Variants in XPNPEP1 observed in about 807,000 individuals in gnomAD.
The protein encoded by XPNPEP1 is X-prolyl aminopeptidase 1.
XPNPEP1 carries 39 observed loss-of-function variants against 92.4 expected under a neutral mutation model. The observed-to-expected ratio is 0.42, with a 90% CI of 0.33 to 0.55. The LOEUF (loss-of-function observed/expected upper bound fraction) is 0.55, where lower values mean the gene tolerates loss of function less well. Ranked by LOEUF, XPNPEP1 falls within the 20% of genes least tolerant of loss-of-function variation. The probability of loss-of-function intolerance (pLI) is 0.08; values close to 1 mark genes in which losing one functional copy is unlikely to be tolerated. For missense variants in XPNPEP1, 654 were observed against 856.1 expected (o/e 0.76, Z 2.95); for synonymous variants, 307 against 299.4 (o/e 1.03, Z -0.26).
chr10:109,870,315 G>A lies in XPNPEP1; in HGVS notation c.1697-286C>T, dbSNP rs77756465. Reference sequence around the variant, plus strand: ...ACTAAATAAATCATGGTTCACATCCGTAAGACACAATAATGAAGGCATTAA... The same window carrying A: ...ACTAAATAAATCATGGTTCACATCCATAAGACACAATAATGAAGGCATTAA... On this transcript the variant is annotated intron_variant, in intron 18 of 20. Transcript: ENST00000502935. 6.4e-3 allele frequency among the ~76,000 whole-genome samples: 970 copies of A among 152,288 alleles called. 13 individuals carry two copies. The highest frequency in any genetic ancestry group is 0.022 in the African/African-American group (932 of 41,530).
Position 109,875,734 on chromosome 10 carries a change from A to G in XPNPEP1, c.1320-135T>C, listed in dbSNP as rs900740208. The G allele has an allele frequency of 1.4e-4, 91 of 647,336 alleles. No homozygotes were observed. The Admixed American group carries it at 2.4e-3, about 17-fold the overall frequency. The allele number at this position is 647,336 out of a possible 1,614,324, so 40.1% of individuals were successfully genotyped here. A position where few individuals can be genotyped will look rare whatever the true frequency, so the allele number is the denominator to read the frequency against. ...TGAAATTATATCAAAATAGAAAGTTATGCAATAATGAATTATTTCAACTAA... is the reference window on the plus strand; with the variant it reads ...TGAAATTATATCAAAATAGAAAGTTGTGCAATAATGAATTATTTCAACTAA... On this transcript the variant is annotated intron_variant, in intron 14 of 20. Transcript: ENST00000502935.
chr10:109,885,441 T>C (rs1396269713), intron 8 of XPNPEP1, among the ~76,000 whole-genome samples: 1 of 152,250 alleles, frequency 6.6e-6, no homozygotes, highest in Non-Finnish European at 1.5e-5. Context: ...CATGGGATTG[T>C]GTTTTTGTTA....
At chr10:109,908,318 T>C (rs918848832) in intron 2 of XPNPEP1, among the ~76,000 whole-genome samples, 1 of 152,226 alleles carries the variant, frequency 6.6e-6, no homozygotes, top group Non-Finnish European at 1.5e-5. Context: ...TAAAAACAGA[T>C]GACAGGCTGG....
At chr10:109,887,804 C>G (rs751377549) in intron 7 of XPNPEP1, among the ~76,000 whole-genome samples, 1 of 152,214 alleles carries the variant, frequency 6.6e-6, no homozygotes, top group Non-Finnish European at 1.5e-5. Context: ...TTTTCAGCAG[C>G]ACCCAAAAAG....
intron 2 of XPNPEP1, among the ~76,000 whole-genome samples, chr10:109,910,557 A>G (rs1262236342): frequency 1.3e-5 from 2 of 152,160 alleles, no homozygotes; most frequent in African/African-American, 4.8e-5. Flanking sequence ...AAAAAAAAAA[A>G]AAAGACAATA....
chr10:109,893,900 G>A (rs1318132399), intron 3 of XPNPEP1: 5 of 152,228 alleles, frequency 3.3e-5, no homozygotes, highest in Non-Finnish European at 7.3e-5. Flanking sequence ...CCCTATGCCA[G>A]GCTGCCAATG....
rs1258730774 is a variant in XPNPEP1 at position 109,923,496 on chromosome 10, G to A, written c.-63C>T. 6.2e-6 allele frequency: 8 copies of A among 1,298,592 alleles called. No homozygotes were observed. Among genetic ancestry groups the A allele is most frequent in the African/African-American group, 1.6e-5 (1 of 62,442 alleles). 80.4% of individuals were successfully genotyped at this position (1,298,592 alleles called of 1,614,324 possible). A position where few individuals can be genotyped will look rare whatever the true frequency, so the allele number is the denominator to read the frequency against. ...CAGACCAGCTGATCACCCGCGGAAG[G>A]GCCGGCGCGAAGGAGGCGCGAGAGC... is the stretch of plus-strand genomic sequence containing the variant. On this transcript the variant is annotated 5_prime_UTR_variant, in exon 1 of 21. Coordinates refer to ENST00000502935, the MANE Select transcript of XPNPEP1 (RefSeq NM_020383.4).
chr10:109,874,279 G>A (rs935784530), intron 15 of XPNPEP1, among the ~76,000 whole-genome samples: 2 of 152,134 alleles, frequency 1.3e-5, no homozygotes, highest in African/African-American at 4.8e-5. Context: ...TATCACTGGG[G>A]TTATGAACAA....
At chr10:109,874,722 G>A (rs979560576) in intron 15 of XPNPEP1, among the ~76,000 whole-genome samples, 2 of 152,172 alleles carry the variant, frequency 1.3e-5, no homozygotes, top group Non-Finnish European at 2.9e-5. Context: ...GGCCGAGACC[G>A]GCGGATCACG....
chr10:109,893,216 T>A, intron 3 of XPNPEP1, 141 bp from the exon 4 acceptor site: 1 of 687,842 alleles, frequency 1.5e-6, no homozygotes, highest in Non-Finnish European at 2.5e-6. Context: ...GCCAACAGTC[T>A]AGCTGAAAAC....
intron 5 of XPNPEP1, among the ~76,000 whole-genome samples, chr10:109,888,863 A>G (rs1484975891): frequency 6.6e-6 from 1 of 152,206 alleles, no homozygotes; most frequent in Non-Finnish European, 1.5e-5. Flanking sequence ...GACCCCTTGT[A>G]AAAATATCTT....
intron 3 of XPNPEP1, among the ~76,000 whole-genome samples, chr10:109,897,181 C>G (rs1051748250): frequency 6.6e-6 from 1 of 151,640 alleles, no homozygotes; most frequent in African/African-American, 2.4e-5. Context: ...AATATGGGTT[C>G]ATGAGAAATT....
At chr10:109,884,346 C>T in intron 8 of XPNPEP1, 198 bp from the exon 9 acceptor site, 1 of 561,506 alleles carries the variant, frequency 1.8e-6, no homozygotes, top group East Asian at 3.0e-5. Flanking sequence ...CACGTGATGG[C>T]ACCAGAGCTG....
At chr10:109,880,287 G>T in intron 11 of XPNPEP1, 49 bp from the exon 12 acceptor site, 1 of 1,597,656 alleles carries the variant, frequency 6.3e-7, no homozygotes, top group East Asian at 2.2e-5. Context: ...AAAATCACGT[G>T]ACCAGATTCA....
At chr10:109,873,069 T>C (rs1169956029) in intron 16 of XPNPEP1, among the ~76,000 whole-genome samples, 1 of 152,210 alleles carries the variant, frequency 6.6e-6, no homozygotes, top group Non-Finnish European at 1.5e-5. Flanking sequence ...TATTTCACTC[T>C]CTCATCCCCA....
chr10:109,890,770 CAT>C (rs557935333), intron 5 of XPNPEP1, among the ~76,000 whole-genome samples: 572 of 152,276 alleles, frequency 3.8e-3, no homozygotes, highest in Non-Finnish European at 6.0e-3. Context: ...ACAAAGAACA[CAT>C]GTGTGTGTAT....
intron 4 of XPNPEP1, 105 bp downstream of exon 4, chr10:109,892,907 T>C: frequency 2.6e-6 from 3 of 1,147,300 alleles, no homozygotes; most frequent in Non-Finnish European, 3.8e-6. Context: ...GAGCATCTGG[T>C]TTGCATTTTC....
chr10:109,909,962 C>T (rs987110423), intron 2 of XPNPEP1, among the ~76,000 whole-genome samples: 3 of 152,170 alleles, frequency 2.0e-5, no homozygotes, highest in Admixed American at 2.0e-4. Context: ...ATCATCATCA[C>T]CCTAGGTCCA....
At chr10:109,884,300 T>C in intron 8 of XPNPEP1, 152 bp from the exon 9 acceptor site, 1 of 675,408 alleles carries the variant, frequency 1.5e-6, no homozygotes, top group South Asian at 1.9e-5. Context: ...GACTCCCGTC[T>C]GGTTCCACCT....
Sources: gnomAD v4.1 joint callset for allele counts (sites outside exome capture counted in the v4.1 genomes callset) on GRCh38, gnomAD v4.1.1 for gene constraint, MANE v1.5 for transcripts, NCBI Gene and HGNC (gene_info 2026-07-23, HGNC 2026-07-21) for gene names.